The following DSP variants were observed in gnomAD, a reference collection of about 807,000 sequenced individuals.
The protein encoded by DSP is 250/210 kDa paraneoplastic pemphigus antigen.
Under a neutral mutation model 290.6 loss-of-function variants are expected in DSP, and 114 were observed. The ratio of observed to expected loss-of-function variants is 0.39; its 90% CI spans 0.34 to 0.46. The LOEUF (loss-of-function observed/expected upper bound fraction) is 0.46, where lower values mean the gene tolerates loss of function less well. Among genes scored for constraint, DSP ranks in the 20% least tolerant of loss-of-function variants. DSP has a pLI of 0.99. For synonymous variants in DSP, 1,311 were observed against 1,316.4 expected, an observed-to-expected ratio of 1.00 and a Z score of 0.09; for missense variants, 3,230 against 3,495.8, an observed-to-expected ratio of 0.92 and a Z score of 1.92.
rs1237217988 is a variant in DSP at position 7,572,133 on chromosome 6, A to G, written c.2130+65A>G. Reference sequence around the variant, plus strand: ...TTTTTATTTACCTGTAAATGAATAAAAAAAATCCTGGTTTAAATGTTTGTA... The same window carrying G: ...TTTTTATTTACCTGTAAATGAATAAGAAAAATCCTGGTTTAAATGTTTGTA... On this transcript the variant is annotated intron_variant, in intron 15 of 23. Transcript: ENST00000379802. 2.8e-6 allele frequency: 4 copies of G among 1,404,110 alleles called. No homozygotes were observed. In the East Asian group the frequency reaches 7.1e-5, roughly 25 times the overall value. 87.0% of individuals were successfully genotyped at this position (1,404,110 alleles called of 1,614,324 possible).
At chr6:7,574,297 T>TTC (rs1349852240) in intron 16 of DSP, 45 bp downstream of exon 16, 1 of 1,590,404 alleles carries the variant, frequency 6.3e-7, no homozygotes, top group African/African-American at 1.3e-5. Flanking sequence ...TTTCTCAAGC[T>TTC]TCTTTTTCTG....
At chr6:7,560,747 A>G (rs1489859296) in intron 4 of DSP, among the ~76,000 whole-genome samples, 2 of 152,222 alleles carry the variant, frequency 1.3e-5, no homozygotes, top group South Asian at 2.1e-4. Context: ...AGGATCCACA[A>G]TGATGGGCAA....
chr6:7,585,964 C>G lies in DSP; in HGVS notation c.*86C>G. ...AATAATAGAAAAGAAAATCCCGGTG[C>G]TTGCAGTAGAGTGATAGGACATTCT... is the stretch of plus-strand genomic sequence containing the variant. On this transcript the variant is annotated 3_prime_UTR_variant, in exon 24 of 24. Coordinates refer to ENST00000379802, the MANE Select transcript of DSP (RefSeq NM_004415.4). 1 of 1,358,782 alleles carries G rather than the reference C, an allele frequency of 7.4e-7. No homozygotes were observed. Among genetic ancestry groups the G allele is most frequent in the Non-Finnish European group, 1.0e-6 (1 of 963,752 alleles). The allele number at this position is 1,358,782 out of a possible 1,614,324, so 84.2% of individuals were successfully genotyped here.
In DSP at chr6:7,572,059, C is replaced by T. The variant is rs368590198; in HGVS notation, c.2121C>T (p.Asn707=). The T allele has an allele frequency of 1.9e-4, 309 of 1,613,888 alleles. No homozygotes were observed. Among genetic ancestry groups the T allele is most frequent in the Non-Finnish European group, 2.5e-4 (291 of 1,179,824 alleles). Residue 707 remains asparagine (N), a synonymous_variant, in exon 15 of 24, where the codon AAC becomes AAT. Coordinates refer to ENST00000379802, the MANE Select transcript of DSP (RefSeq NM_004415.4). ...GSSHHITVKI[N]ELKSVQNDSQ... is the part of the protein sequence containing the mutation. ...CTCACCACATCACAGTGAAAATTAACGAGCTTAAGGTAGGTATCTGCTAGT... is the reference window on the plus strand; with the variant it reads ...CTCACCACATCACAGTGAAAATTAATGAGCTTAAGGTAGGTATCTGCTAGT...
Position 7,563,746 on chromosome 6 carries a change from C to A in DSP, c.737C>A (p.Ser246Tyr). 2 of 1,613,602 alleles carry A rather than the reference C, an allele frequency of 1.2e-6. No homozygotes were observed. Among genetic ancestry groups the A allele is most frequent in the Admixed American group, 1.7e-5 (1 of 60,022 alleles). Reference sequence around the variant, plus strand: ...TTTGTTGTCTTCTAGCGCGAGAAATCTGCGATCTACCAGTTGGAGGAGGAG... The same window carrying A: ...TTTGTTGTCTTCTAGCGCGAGAAATATGCGATCTACCAGTTGGAGGAGGAG... Reference protein sequence around the residue: ...DKIKADLREKSAIYQLEEEYE... With the variant: ...DKIKADLREKYAIYQLEEEYE... Residue 246 changes from serine (S) to tyrosine (Y), a missense_variant, in exon 6 of 24, where the codon TCT (serine) becomes TAT (tyrosine). This residue lies in a region of DSP where 646 missense variants were observed against 684.3 expected (regional missense o/e 0.94). Transcript: ENST00000379802.
At chr6:7,561,027 C>T (rs1016323831) in intron 4 of DSP, among the ~76,000 whole-genome samples, 2 of 151,680 alleles carry the variant, frequency 1.3e-5, no homozygotes, top group Admixed American at 1.3e-4. Flanking sequence ...TCTCGTCTCA[C>T]TGCAACCTCT....
Position 7,580,903 on chromosome 6 carries a change from G to A in DSP, c.4713G>A (p.Gln1571=), listed in dbSNP as rs375381133. 1.2e-6 allele frequency: 2 copies of A among 1,614,076 alleles called. No homozygotes were observed. Among genetic ancestry groups the A allele is most frequent in the African/African-American group, 2.7e-5 (2 of 74,930 alleles). The change falls in exon 23 of 24, where the codon CAG becomes CAA. Residue 1571 remains glutamine, a synonymous_variant. Coordinates refer to ENST00000379802, the MANE Select transcript of DSP (RefSeq NM_004415.4). The surrounding 1 kb of genome is among the most constrained non-coding windows in gnomAD (Gnocchi z 4.2). Reference sequence around the variant, plus strand: ...TGAAAGAGCTGCAGCTGCAGAAGCAGAAGGTGGAAGAGGAGCTGAATCGGC... The same window carrying A: ...TGAAAGAGCTGCAGCTGCAGAAGCAAAAGGTGGAAGAGGAGCTGAATCGGC... ...NSLKELQLQK[Q]KVEEELNRLK...
chr6:7,551,518 T>C (rs1758341860), intron 1 of DSP, among the ~76,000 whole-genome samples: 1 of 151,956 alleles, frequency 6.6e-6, no homozygotes, highest in African/African-American at 2.4e-5. Context: ...TAATCCCAGC[T>C]ACTTGGGAGG....
At chr6:7,547,188 C>G (rs1019451225) in intron 1 of DSP, among the ~76,000 whole-genome samples, 1 of 152,106 alleles carries the variant, frequency 6.6e-6, no homozygotes, top group African/African-American at 2.4e-5. Context: ...TGAAAACGTT[C>G]AGATGTGGTT....
Position 7,586,031 on chromosome 6 carries a change from A to G in DSP, c.*153A>G. 1 of 805,694 alleles carries G rather than the reference A, an allele frequency of 1.2e-6. No individual in the cohort carries two copies. The highest frequency in any genetic ancestry group is 1.7e-5 in the South Asian group (1 of 59,358). 49.9% of individuals were successfully genotyped at this position (805,694 alleles called of 1,614,324 possible). ...TAGCCATGATTGAAATCAAATAGTA[A>G]AGGCTGTTCTGGCTTTTTATCTTCT... On this transcript the variant is annotated 3_prime_UTR_variant, in exon 24 of 24. Coordinates refer to ENST00000379802, the MANE Select transcript of DSP (RefSeq NM_004415.4).
rs766726853 is a variant in DSP at position 7,579,982 on chromosome 6, T to A, written c.3792T>A (p.Thr1264=). The part of the protein sequence containing the change: ...VRLNDSILQA[T]EQRRRAEENA... ...TCAATGACAGCATCTTGCAGGCCAC[T>A]GAGCAGCGAAGGCGAGCTGAAGAAA... The change falls in exon 23 of 24, where the codon ACT becomes ACA. Residue 1264 remains threonine (T), a synonymous_variant. Coordinates refer to ENST00000379802, the MANE Select transcript of DSP (RefSeq NM_004415.4). The surrounding 1 kb of genome is among the most constrained non-coding windows in gnomAD (Gnocchi z 4.1). 6 of 1,614,002 alleles carry A rather than the reference T, an allele frequency of 3.7e-6. No homozygotes were observed. The Admixed American group carries it at 6.7e-5, about 18-fold the overall frequency.
chr6:7,565,553 T>A lies in DSP; in HGVS notation c.939+33T>A. The A allele has an allele frequency of 6.2e-7, 1 of 1,613,478 alleles. No homozygotes were observed. The highest frequency in any genetic ancestry group is 8.5e-7 in the Non-Finnish European group (1 of 1,179,654). ...CACCCCACGCGGCTGTAGATGCTTG[T>A]CTTGAGCCTGTTGCCTTGAAGAGCT... On this transcript the variant is annotated intron_variant, in intron 7 of 23. Coordinates refer to ENST00000379802, the MANE Select transcript of DSP (RefSeq NM_004415.4). The surrounding 1 kb of genome is among the most constrained non-coding windows in gnomAD (Gnocchi z 4.2).
intron 11 of DSP, 122 bp from the exon 12 acceptor site, chr6:7,569,063 GA>G (rs1758950700): frequency 7.5e-7 from 1 of 1,331,220 alleles, no homozygotes; most frequent in South Asian, 1.3e-5. Context: ...AGCTTCATTT[GA>G]GGGGAAAAAC....
At position 7,584,650 on chromosome 6, in the gene DSP, A is replaced by G; in HGVS notation, c.7388A>G (p.Lys2463Arg). The G allele has an allele frequency of 1.2e-6, 2 of 1,614,170 alleles. No individual in the cohort carries two copies. The highest frequency in any genetic ancestry group is 1.1e-5 in the South Asian group (1 of 91,086). ...VQTSQKNTLR[K>R]RRVVIVDPET... ...ACATCACAAAAGAATACCCTCAGGA[A>G]GCGTAGAGTGGTCATAGTTGACCCA... Residue 2463 changes from lysine to arginine, a missense_variant, in exon 24 of 24, where the codon AAG becomes AGG. Lys to Arg is a conservative substitution (Grantham distance 26, BLOSUM62 2). Transcript: ENST00000379802. This position sits in a 1 kb window ranked among gnomAD's most constrained non-coding sequence, Gnocchi z 6.4.
rs1759580297 is a variant in DSP at position 7,584,825 on chromosome 6, TAGAA to T, written c.7567_7570del (p.Lys2523GlnfsTer37). The T allele has an allele frequency of 3.7e-6, 6 of 1,614,180 alleles. No individual in the cohort carries two copies. The highest frequency in any genetic ancestry group is 5.1e-6 in the Non-Finnish European group (6 of 1,180,036). On this transcript the variant is annotated frameshift_variant, in exon 24 of 24. Transcript: ENST00000379802. LOFTEE classifies it high-confidence loss of function. This position sits in a 1 kb window ranked among gnomAD's most constrained non-coding sequence, Gnocchi z 6.4. ...GCTCCACCAGGGTGGTCCTGGTAGA[TAGAA>T]AGACAGGCAGTCAGTATGATATTCA...
In DSP at chr6:7,567,910, T is replaced by C. The variant is rs1461798577; in HGVS notation, c.1266+4T>C. 1 of 1,613,414 alleles carries C rather than the reference T, an allele frequency of 6.2e-7. No individual in the cohort carries two copies. Among genetic ancestry groups the C allele is most frequent in the Non-Finnish European group, 8.5e-7 (1 of 1,179,810 alleles). On this transcript the variant is annotated splice_donor_region_variant and intron_variant, in intron 10 of 23. Coordinates refer to ENST00000379802, the MANE Select transcript of DSP (RefSeq NM_004415.4). Reference sequence around the variant, plus strand: ...GGAACAGATCAAGGAGCTGGAGGTATCGTCTCAGACCCAGAACCTCAGCAG... The same window carrying C: ...GGAACAGATCAAGGAGCTGGAGGTACCGTCTCAGACCCAGAACCTCAGCAG...
rs530276162 is a variant in DSP, at chr6:7,565,953, C to T, written c.940-424C>T. 1 of 328,050 alleles carries T rather than the reference C, an allele frequency of 3.0e-6. No individual in the cohort carries two copies. Among genetic ancestry groups the T allele is most frequent in the East Asian group, 7.9e-5 (1 of 12,660 alleles). 20.3% of individuals were successfully genotyped at this position (328,050 alleles called of 1,614,324 possible). On this transcript the variant is annotated intron_variant, in intron 7 of 23. Coordinates refer to ENST00000379802, the MANE Select transcript of DSP (RefSeq NM_004415.4). The surrounding 1 kb of genome is among the most constrained non-coding windows in gnomAD (Gnocchi z 4.2). Reference sequence around the variant, plus strand: ...ATACAAGTTTACCTGTGTAACAAACCTGCACATGTATCCCTGAACTTAAAA... The same window carrying T: ...ATACAAGTTTACCTGTGTAACAAACTTGCACATGTATCCCTGAACTTAAAA...
intron 12 of DSP, among the ~76,000 whole-genome samples, chr6:7,569,788 C>T (rs1561688995): frequency 1.3e-5 from 2 of 151,392 alleles, no homozygotes; most frequent in Non-Finnish European, 2.9e-5. Flanking sequence ...GAGCTGAGAT[C>T]GTGCCACTGC....
At position 7,581,315 on chromosome 6, in the gene DSP, C is replaced by T. The variant is rs1759432908; in HGVS notation, c.5125C>T (p.Leu1709Phe). ...AATAGAAATTGAGAGGCTGCAGTCT[C>T]TCACAGAGAACCTGACCAAGGAGCA... ...SKIEIERLQS[L>F]TENLTKEHLM... The change falls in exon 23 of 24, where the codon CTC (leucine) becomes TTC (phenylalanine). Residue 1709 changes from leucine to phenylalanine, a missense_variant. Transcript: ENST00000379802. 6.2e-7 allele frequency: 1 copy of T among 1,614,186 alleles called. No homozygotes were observed. The highest frequency in any genetic ancestry group is 8.5e-7 in the Non-Finnish European group (1 of 1,180,050).
Sources: allele counts gnomAD v4.1 joint callset (sites outside exome capture counted in the v4.1 genomes callset), GRCh38; gene constraint gnomAD v4.1.1; regional missense constraint gnomAD v4.1.1; non-coding constraint Gnocchi (gnomAD v3.1); transcripts MANE v1.5; gene names NCBI Gene and HGNC (gene_info 2026-07-23, HGNC 2026-07-21).